The following DLGAP4 variants were observed in gnomAD, a reference collection of about 807,000 sequenced individuals.
DLGAP4 encodes DLG associated protein 4, also known as disks large-associated protein 4.
In DLGAP4, 18 loss-of-function variants were observed where a neutral mutation model predicts 86.9. The observed-to-expected ratio is 0.21, with a 90% CI of 0.14 to 0.31. The LOEUF is 0.31. DLGAP4 is among the 10% of genes least tolerant of loss of function. The pLI is 1.00. For missense variants in DLGAP4, 1,085 were observed against 1,362.6 expected, an observed-to-expected ratio of 0.80 and a Z score of 3.21; for synonymous variants, 548 against 574.3, an observed-to-expected ratio of 0.95 and a Z score of 0.65.
At chr20:36,479,780 G>A (rs1000095205) in intron 7 of DLGAP4, among the ~76,000 whole-genome samples, 1 of 152,084 alleles carries the variant, frequency 6.6e-6, no homozygotes, top group African/African-American at 2.4e-5. Context: ...GTGCGGTGTC[G>A]AGGGGCTGGA....
At chr20:36,501,064 C>CTT (rs11480703) in intron 10 of DLGAP4, among the ~76,000 whole-genome samples, 8,746 of 138,042 alleles carry the variant, frequency 0.063, 621 homozygotes, top group African/African-American at 0.17. Context: ...CCTTCAACAA[C>CTT]TTTTTTTTTT....
At chr20:36,316,367 A>G (rs2065099915) in intron 1 of DLGAP4, among the ~76,000 whole-genome samples, 1 of 150,548 alleles carries the variant, frequency 6.6e-6, no homozygotes, top group Non-Finnish European at 1.5e-5. Context: ...ATGACTGGGC[A>G]TGCCCAGAAC....
chr20:36,322,625 T>A (rs996875372), intron 1 of DLGAP4, among the ~76,000 whole-genome samples: 2 of 152,180 alleles, frequency 1.3e-5, no homozygotes, highest in Non-Finnish European at 2.9e-5. Context: ...TCATATAATG[T>A]CACAGTCATC....
chr20:36,331,599 C>T (rs191325433), intron 1 of DLGAP4, among the ~76,000 whole-genome samples: 25 of 152,310 alleles, frequency 1.6e-4, no homozygotes, highest in African/African-American at 5.5e-4. Flanking sequence ...GAATCTCCCT[C>T]ATCACTAAAG....
chr20:36,468,392 G>A (rs79674754), intron 7 of DLGAP4, among the ~76,000 whole-genome samples: 5 of 152,248 alleles, frequency 3.3e-5, no homozygotes, highest in Non-Finnish European at 5.9e-5. Flanking sequence ...TTCTCAGGCT[G>A]CAGCCAGGAA....
At chr20:36,395,122 G>A (rs2031908232) in intron 2 of DLGAP4, among the ~76,000 whole-genome samples, 1 of 152,034 alleles carries the variant, frequency 6.6e-6, no homozygotes, top group Non-Finnish European at 1.5e-5. Flanking sequence ...TCCTCTACCA[G>A]GAATGCCCTT....
chr20:36,488,897 T>C (rs2035536956), intron 7 of DLGAP4, among the ~76,000 whole-genome samples: 1 of 152,218 alleles, frequency 6.6e-6, no homozygotes, highest in South Asian at 2.1e-4. Flanking sequence ...TAATATACTA[T>C]TGATTCATTA....
intron 1 of DLGAP4, among the ~76,000 whole-genome samples, chr20:36,321,827 A>G (rs1314729489): frequency 1.3e-5 from 2 of 152,088 alleles, no homozygotes; most frequent in Non-Finnish European, 2.9e-5. Context: ...GTATAGAGAC[A>G]AATATACAGA....
intron 1 of DLGAP4, among the ~76,000 whole-genome samples, chr20:36,342,429 G>A (rs531216263): frequency 6.6e-4 from 100 of 152,270 alleles, no homozygotes; most frequent in African/African-American, 2.4e-3. Flanking sequence ...GTTTGGGGCT[G>A]GAGGCCTCAG....
At chr20:36,370,555 T>C (rs2030887711) in intron 2 of DLGAP4, among the ~76,000 whole-genome samples, 1 of 151,840 alleles carries the variant, frequency 6.6e-6, no homozygotes, top group Non-Finnish European at 1.5e-5. Flanking sequence ...GGCCAAGGCA[T>C]ACTCAGGTCT....
chr20:36,459,853 C>T (rs1003757503), intron 7 of DLGAP4, among the ~76,000 whole-genome samples: 65 of 152,316 alleles, frequency 4.3e-4, no homozygotes, highest in Admixed American at 3.6e-3. Flanking sequence ...GTGATCCTCC[C>T]GCCTTGGCCT....
At chr20:36,405,406 A>C (rs192493554) in intron 2 of DLGAP4, among the ~76,000 whole-genome samples, 4,074 of 152,326 alleles carry the variant, frequency 0.027, 206 homozygotes, top group African/African-American at 0.093. Context: ...CTTAGAACAG[A>C]GTCTGATACA....
chr20:36,525,958 C>T lies in DLGAP4; in HGVS notation c.2712C>T (p.His904=), dbSNP rs1355623817. Residue 904 remains histidine, a synonymous_variant, in exon 12 of 13, where the codon CAC becomes CAT. Transcript: ENST00000339266. ...DISMKFDELY[H]LKANSWQLVE... is the part of the protein sequence containing the mutation. The stretch of plus-strand genomic sequence containing the variant: ...GCATGAAGTTCGATGAACTCTACCA[C>T]CTCAAGGCCAACAGCTGGCAGCTGG... 3.1e-6 allele frequency: 5 copies of T among 1,613,942 alleles called. No homozygotes were observed. The Admixed American group carries it at 8.3e-5, about 27-fold the overall frequency.
chr20:36,526,537 C>T (rs988030134), intron 12 of DLGAP4, among the ~76,000 whole-genome samples: 1 of 152,036 alleles, frequency 6.6e-6, no homozygotes, highest in African/African-American at 2.4e-5. Flanking sequence ...CTCGGGCTCC[C>T]GGTGATTCAA....
intron 1 of DLGAP4, among the ~76,000 whole-genome samples, chr20:36,357,543 A>G (rs558834365): frequency 6.6e-6 from 1 of 152,316 alleles, no homozygotes; most frequent in Non-Finnish European, 1.5e-5. Flanking sequence ...ATGGCTGTGG[A>G]CTGTCAGAGC....
At chr20:36,519,472 T>C (rs563123158) in intron 10 of DLGAP4, among the ~76,000 whole-genome samples, 1 of 152,342 alleles carries the variant, frequency 6.6e-6, no homozygotes, top group Admixed American at 6.5e-5. Context: ...AGATTTTCTT[T>C]TTAGTCAGAG....
intron 2 of DLGAP4, among the ~76,000 whole-genome samples, chr20:36,424,170 T>G (rs927543336): frequency 1.3e-5 from 2 of 151,872 alleles, no homozygotes; most frequent in African/African-American, 2.4e-5. Flanking sequence ...CTGTGACAGG[T>G]GAAGGGGACA....
At chr20:36,461,378 A>G (rs1260662587) in intron 7 of DLGAP4, 2 of 821,810 alleles carry the variant, frequency 2.4e-6, no homozygotes, top group African/African-American at 3.8e-5. Flanking sequence ...CCGGCCCGGG[A>G]GTCCCTGACG....
intron 2 of DLGAP4, among the ~76,000 whole-genome samples, chr20:36,422,263 C>T (rs2032852252): frequency 6.6e-6 from 1 of 152,204 alleles, no homozygotes; most frequent in African/African-American, 2.4e-5. Flanking sequence ...CATTCCACCT[C>T]ACTTCATTTC....
Sources: gnomAD v4.1 joint callset for allele counts (sites outside exome capture counted in the v4.1 genomes callset) on GRCh38, gnomAD v4.1.1 for gene constraint, MANE v1.5 for transcripts, NCBI Gene and HGNC (gene_info 2026-07-23, HGNC 2026-07-21) for gene names.